The following GAS6 variants were observed in gnomAD, a reference collection of about 807,000 sequenced individuals.
GAS6 encodes the protein growth arrest-specific protein 6.
A neutral mutation model predicts 75.8 loss-of-function variants in GAS6; 41 were observed. That is an observed-to-expected ratio of 0.54 (90% CI 0.42 to 0.70). The LOEUF (loss-of-function observed/expected upper bound fraction) is 0.70. Ranked by LOEUF, GAS6 falls within the 30% of genes least tolerant of loss-of-function variation. GAS6 has a pLI of 0.00. For synonymous variants in GAS6, 432 were observed against 412.6 expected (o/e 1.05, Z -0.57); for missense variants, 854 against 940.2 (o/e 0.91, Z 1.20).
At chr13:113,824,708 G>A (rs1259601045) in intron 12 of GAS6, among the ~76,000 whole-genome samples, 3 of 152,130 alleles carry the variant, frequency 2.0e-5, no homozygotes, top group African/African-American at 4.8e-5. Context: ...TCTTTCCCAC[G>A]GGGCTGTGTA....
At chr13:113,852,668 G>A (rs1305224257) in intron 2 of GAS6, among the ~76,000 whole-genome samples, 2 of 151,726 alleles carry the variant, frequency 1.3e-5, no homozygotes, top group African/African-American at 2.4e-5. Context: ...GTCCACCTCC[G>A]CCCCTGCCCT....
Position 113,820,895 on chromosome 13 carries a change from G to A in GAS6, c.2006C>T (p.Ser669Phe). Residue 669 changes from serine (S) to phenylalanine (F), a missense_variant, in exon 15 of 15, where the codon TCC becomes TTC. Physicochemically the swap from Ser to Phe is radical, Grantham distance 155 (BLOSUM62 -2). Coordinates refer to ENST00000327773, the MANE Select transcript of GAS6 (RefSeq NM_000820.4). Reference sequence around the variant, plus strand: ...TGCGGCGGGCTCCACGGGGGGGCAGGAGTGGGCCGTGATGTCGCTGTGCTT... The same window carrying A: ...TGCGGCGGGCTCCACGGGGGGGCAGAAGTGGGCCGTGATGTCGCTGTGCTT... ...AYKHSDITAH[S>F]CPPVEPAAA The A allele has an allele frequency of 6.2e-7, 1 of 1,611,658 alleles. No homozygotes were observed.
intron 6 of GAS6, 78 bp from the exon 7 acceptor site, chr13:113,835,713 G>A: frequency 6.4e-7 from 1 of 1,558,138 alleles, no homozygotes; most frequent in Non-Finnish European, 8.7e-7. Flanking sequence ...TGCAGGGACT[G>A]GCCAGGGCAC....
At position 113,848,173 on chromosome 13, in the gene GAS6, C is replaced by G; in HGVS notation, c.256-123G>C. ...GGGGCAGCCAGAGGGCCGCCCCACC[C>G]GGGGAACTGAGGGGAAGTGACCGGG... On this transcript the variant is annotated intron_variant, in intron 2 of 14. Coordinates refer to ENST00000327773, the MANE Select transcript of GAS6 (RefSeq NM_000820.4). The surrounding 1 kb of genome is among the most constrained non-coding windows in gnomAD (Gnocchi z 4.8). 1 of 1,008,750 alleles carries G rather than the reference C, an allele frequency of 9.9e-7. No homozygotes were observed. The highest frequency in any genetic ancestry group is 1.4e-5 in the South Asian group (1 of 69,802). 62.5% of individuals were successfully genotyped at this position (1,008,750 alleles called of 1,614,324 possible).
chr13:113,849,866 T>A (rs183537932), intron 2 of GAS6, among the ~76,000 whole-genome samples: 6 of 152,216 alleles, frequency 3.9e-5, no homozygotes, highest in Admixed American at 3.3e-4. Flanking sequence ...AGAAAGCATA[T>A]GCTAATTCCA....
rs1174222969 is a variant in GAS6 at position 113,844,653 on chromosome 13, AG to A, written c.343+1873del. On this transcript the variant is annotated intron_variant, in intron 4 of 14. Transcript: ENST00000327773. This position sits in a 1 kb window ranked among gnomAD's most constrained non-coding sequence, Gnocchi z 5.7. ...TTATTAAAAAATAAGCAAGACAACC[AG>A]AAAAAAGACTGAGGAGGGCATAGGA... The A allele has an allele frequency of 3.3e-5, 5 of 149,848 alleles. No individual in the cohort carries two copies. Among genetic ancestry groups the A allele is most frequent in the Admixed American group, 3.3e-4 (5 of 15,238 alleles). The allele number at this position is 149,848 out of a possible 1,614,324, so 9.3% of individuals were successfully genotyped here.
rs2051755238 is a variant in GAS6, at chr13:113,839,701, C to T, written c.466+27G>A. On this transcript the variant is annotated intron_variant, in intron 5 of 14. Transcript: ENST00000327773. ...GGCAGGGTCGGAGATGGAGGGAGAC[C>T]CCGCCTTTGTCTTCAGCCTCACGTA... 2.5e-6 allele frequency: 4 copies of T among 1,610,496 alleles called. No individual in the cohort carries two copies. In the African/African-American group the frequency reaches 5.3e-5, roughly 22 times the overall value.
intron 12 of GAS6, among the ~76,000 whole-genome samples, chr13:113,826,492 TCCCGGCGCCGG>T (rs2051544669): frequency 1.0e-5 from 1 of 99,368 alleles, no homozygotes; most frequent in Non-Finnish European, 2.1e-5. Context: ...CTCCCCGGCC[TCCCGGCGCCGG>T]CCTCGCAGGC....
At chr13:113,842,656 C>T (rs868089915) in intron 4 of GAS6, 17 of 397,136 alleles carry the variant, frequency 4.3e-5, no homozygotes, top group Non-Finnish European at 7.1e-5. Context: ...GAGTCAGACA[C>T]GTGCAGGGCA....
chr13:113,863,838 G>T lies in GAS6; in HGVS notation c.83C>A (p.Ala28Glu). 7.7e-7 allele frequency: 1 copy of T among 1,299,608 alleles called. No individual in the cohort carries two copies. The highest frequency in any genetic ancestry group is 9.7e-7 in the Non-Finnish European group (1 of 1,030,154). The allele number at this position is 1,299,608 out of a possible 1,614,324, so 80.5% of individuals were successfully genotyped here. ...CTCGGGCCCGCGGGACTCACCAAGC[G>T]CGCACTCCGCGGCCAGCAGCAGCAG... ...LLLLLLAAEC[A>E]LAALLPAREA... is the part of the protein sequence containing the mutation. Residue 28 changes from alanine (A) to glutamate (E), a missense_variant, in exon 1 of 15, where the codon GCG becomes GAG. By Grantham distance (107) the Ala-to-Glu change is moderately radical. Coordinates refer to ENST00000327773, the MANE Select transcript of GAS6 (RefSeq NM_000820.4). This position sits in a 1 kb window ranked among gnomAD's most constrained non-coding sequence, Gnocchi z 9.4.
chr13:113,822,130 G>A lies in GAS6; in HGVS notation c.1710C>T (p.Cys570=), dbSNP rs752912172. 4 of 1,600,054 alleles carry A rather than the reference G, an allele frequency of 2.5e-6. No homozygotes were observed. Among genetic ancestry groups the A allele is most frequent in the Non-Finnish European group, 3.4e-6 (4 of 1,174,934 alleles). The part of the protein sequence containing the change: ...TALALMEIKV[C]DGQEHVVTVS... The stretch of plus-strand genomic sequence containing the variant: ...CGGTGACCACGTGCTCTTGGCCGTC[G>A]CAGACCTTGATCTCCATTAGGGCCA... The change falls in exon 14 of 15, where the codon TGC becomes TGT. Residue 570 remains cysteine (C), a synonymous_variant. Coordinates refer to ENST00000327773, the MANE Select transcript of GAS6 (RefSeq NM_000820.4).
At chr13:113,858,872 C>CGT (rs1419302920) in intron 2 of GAS6, among the ~76,000 whole-genome samples, 28 of 103,098 alleles carry the variant, frequency 2.7e-4, no homozygotes, top group African/African-American at 4.2e-4. Flanking sequence ...CATGTGTGTA[C>CGT]ATGACTATGT....
chr13:113,824,700 T>C (rs527460909), intron 12 of GAS6, among the ~76,000 whole-genome samples: 1 of 152,296 alleles, frequency 6.6e-6, no homozygotes, highest in African/African-American at 2.4e-5. Context: ...TCCCTGTCTC[T>C]TTCCCACGGG....
intron 10 of GAS6, among the ~76,000 whole-genome samples, chr13:113,830,740 CT>C (rs753036959): frequency 1.2e-3 from 101 of 81,470 alleles, no homozygotes; most frequent in Middle Eastern, 6.6e-3. Flanking sequence ...ACACCACTCC[CT>C]CCAGGCGACC....
At chr13:113,856,181 G>C (rs868150389) in intron 2 of GAS6, among the ~76,000 whole-genome samples, 1 of 152,202 alleles carries the variant, frequency 6.6e-6, no homozygotes, top group Non-Finnish European at 1.5e-5. Flanking sequence ...GCTCCCCGCA[G>C]CCGCCCTGTG....
intron 12 of GAS6, among the ~76,000 whole-genome samples, 183 bp downstream of exon 12, chr13:113,826,813 G>A (rs1201701355): frequency 6.6e-6 from 1 of 152,178 alleles, no homozygotes; most frequent in Non-Finnish European, 1.5e-5. Flanking sequence ...GACCTGCATG[G>A]CCATCCTGAG....
At chr13:113,833,317 C>T (rs1324547490) in intron 8 of GAS6, 8 of 1,003,840 alleles carry the variant, frequency 8.0e-6, no homozygotes, top group Non-Finnish European at 9.5e-6. Context: ...GTACATGAGG[C>T]AGCGAGGCAA....
chr13:113,827,216 C>T (rs771234812), intron 11 of GAS6, 52 bp from the exon 12 acceptor site: 2 of 1,582,116 alleles, frequency 1.3e-6, no homozygotes, highest in South Asian at 1.1e-5. Context: ...AAGCCCCATG[C>T]CGGATGCCCC....
chr13:113,823,277 G>T, intron 13 of GAS6, 98 bp downstream of exon 13: 1 of 1,324,044 alleles, frequency 7.6e-7, no homozygotes, highest in Non-Finnish European at 1.0e-6. Context: ...GGTCCCTGGG[G>T]ATCCCACCGC....
Sources: allele counts gnomAD v4.1 joint callset (sites outside exome capture counted in the v4.1 genomes callset), GRCh38; gene constraint gnomAD v4.1.1; non-coding constraint Gnocchi (gnomAD v3.1); transcripts MANE v1.5; gene names NCBI Gene and HGNC (gene_info 2026-07-23, HGNC 2026-07-21).